RAD54L2: variants seen among roughly 807,000 people sequenced by gnomAD.
RAD54L2 encodes helicase ARIP4.
In RAD54L2, 27 loss-of-function variants were observed where a neutral mutation model predicts 138.4. The observed-to-expected ratio is 0.20, with a 90% confidence interval of 0.14 to 0.27. The LOEUF is 0.27. Among genes scored for constraint, RAD54L2 ranks in the 10% least tolerant of loss-of-function variants. The probability of loss-of-function intolerance (pLI) is 1.00; values close to 1 mark genes in which losing one functional copy is unlikely to be tolerated. For synonymous variants in RAD54L2, 644 were observed against 723.2 expected (o/e 0.89, Z 1.76); for missense variants, 1,396 against 1,890.2 (o/e 0.74, Z 4.85).
Position 51,635,736 on chromosome 3 carries a change from AC to A in RAD54L2, c.1289del (p.Pro430GlnfsTer6). 1 of 1,613,764 alleles carries A rather than the reference AC, an allele frequency of 6.2e-7. No individual in the cohort carries two copies. The highest frequency in any genetic ancestry group is 8.5e-7 in the Non-Finnish European group (1 of 1,179,804). On this transcript the variant is annotated frameshift_variant, in exon 10 of 23. Coordinates refer to ENST00000684192, the MANE Select transcript of RAD54L2 (RefSeq NM_015106.4). LOFTEE classifies it high-confidence loss of function. ...CCGAAGAAAACCAAGAAGCGTTCTC[AC>A]CCAGTCATCATTGATCTAGATGAGG... ...GRPKKTKKRS[H>X]PVIIDLDEED...
chr3:51,637,283 G>C lies in RAD54L2; in HGVS notation c.1462G>C (p.Val488Leu). 1 of 1,611,668 alleles carries C rather than the reference G, an allele frequency of 6.2e-7. No homozygotes were observed. Among genetic ancestry groups the C allele is most frequent in the Non-Finnish European group, 8.5e-7 (1 of 1,179,004 alleles). The change falls in exon 11 of 23, where the codon GTG becomes CTG. Residue 488 changes from valine (V) to leucine (L), a missense_variant. This residue lies in a region of RAD54L2 where 169 missense variants were observed against 235.6 expected (regional missense o/e 0.72). Transcript: ENST00000684192. This position sits in a 1 kb window ranked among gnomAD's most constrained non-coding sequence, Gnocchi z 5.9. ...GAAGAATATCCGCTCTCGCCGCCGGGTGGTGCTGACTGGGTACCCTCTGCA... is the reference window on the plus strand; with the variant it reads ...GAAGAATATCCGCTCTCGCCGCCGGCTGGTGCTGACTGGGTACCCTCTGCA... ...ALKNIRSRRR[V>L]VLTGYPLQNN...
chr3:51,585,475 G>A (rs1699690204), intron 2 of RAD54L2, among the ~76,000 whole-genome samples: 1 of 152,172 alleles, frequency 6.6e-6, no homozygotes, highest in African/African-American at 2.4e-5. Context: ...TTGTTTGTGT[G>A]TGTGTTTCCT....
chr3:51,581,762 G>A (rs1382745567), intron 2 of RAD54L2, among the ~76,000 whole-genome samples: 2 of 152,114 alleles, frequency 1.3e-5, no homozygotes, highest in African/African-American at 4.8e-5. Flanking sequence ...AGCATGGCTT[G>A]GCTTTTTTCC....
intron 3 of RAD54L2, among the ~76,000 whole-genome samples, chr3:51,615,289 A>G (rs571287467): frequency 6.6e-6 from 1 of 152,378 alleles, no homozygotes; most frequent in East Asian, 1.9e-4. Context: ...GGCTGGGATT[A>G]TAGGCGTGAG....
chr3:51,627,470 A>T, intron 3 of RAD54L2, 83 bp from the exon 4 acceptor site: 1 of 1,337,008 alleles, frequency 7.5e-7, no homozygotes, highest in Admixed American at 2.0e-5. Flanking sequence ...TGCTGAGTTG[A>T]GATTTGAACC....
chr3:51,543,757 C>T (rs782104558), intron 2 of RAD54L2, among the ~76,000 whole-genome samples: 5 of 152,092 alleles, frequency 3.3e-5, no homozygotes, highest in Non-Finnish European at 5.9e-5. Flanking sequence ...GCCACATTTA[C>T]TCTGGCACGT....
chr3:51,600,264 C>T (rs1700052597), intron 3 of RAD54L2, among the ~76,000 whole-genome samples: 1 of 152,038 alleles, frequency 6.6e-6, no homozygotes, highest in South Asian at 2.1e-4. Flanking sequence ...TAATATAGTA[C>T]TCTTGTCTAT....
Position 51,641,857 on chromosome 3 carries a change from C to A in RAD54L2, c.2340C>A (p.Ile780=). 1 of 1,580,762 alleles carries A rather than the reference C, an allele frequency of 6.3e-7. No individual in the cohort carries two copies. Among genetic ancestry groups the A allele is most frequent in the Non-Finnish European group, 8.6e-7 (1 of 1,162,030 alleles). Residue 780 remains isoleucine, a synonymous_variant, in exon 15 of 23, where the codon ATC becomes ATA. Coordinates refer to ENST00000684192, the MANE Select transcript of RAD54L2 (RefSeq NM_015106.4). ...GQGAQKWVRN[I]SYFRLDGSTP... ...GAGCACAGAAGTGGGTTCGAAACAT[C>A]AGCTACTTCCGTGAGTTCATTGTTG...
At chr3:51,641,681 A>G in intron 14 of RAD54L2, 68 bp from the exon 15 acceptor site, 1 of 1,046,822 alleles carries the variant, frequency 9.6e-7, no homozygotes, top group East Asian at 2.6e-5. Flanking sequence ...GCACAAGAGT[A>G]TGGACCTATT....
chr3:51,628,514 T>C (rs1013787953), intron 4 of RAD54L2, among the ~76,000 whole-genome samples: 5 of 152,018 alleles, frequency 3.3e-5, no homozygotes, highest in Admixed American at 1.3e-4. Flanking sequence ...TTCAACCTCC[T>C]GAGTAGCTGG....
rs550978537 is a variant in RAD54L2 at position 51,605,129 on chromosome 3, G to A, written c.139+14570G>A. Among the ~76,000 whole-genome samples the A allele has an allele frequency of 7.9e-5, 11 of 138,450 alleles. No homozygotes were observed. In the South Asian group the frequency reaches 1.1e-3, roughly 14 times the overall value. The allele number at this position is 138,450 out of a possible 152,430, so 90.8% of individuals were successfully genotyped here. On this transcript the variant is annotated intron_variant, in intron 3 of 22. Transcript: ENST00000684192. Reference sequence around the variant, plus strand: ...TTTTGAGACTGAGTCTTGATCTGTCGCCCAGGCTGCAGTGCAGTGGCGCGA... The same window carrying A: ...TTTTGAGACTGAGTCTTGATCTGTCACCCAGGCTGCAGTGCAGTGGCGCGA...
At chr3:51,588,506 G>A (rs1699760167) in intron 2 of RAD54L2, among the ~76,000 whole-genome samples, 1 of 137,520 alleles carries the variant, frequency 7.3e-6, no homozygotes, top group African/African-American at 2.7e-5. Context: ...CTGCATGCCA[G>A]CCTGGGTGAC....
At chr3:51,614,371 T>TCA (rs1443397990) in intron 3 of RAD54L2, among the ~76,000 whole-genome samples, 1 of 152,038 alleles carries the variant, frequency 6.6e-6, no homozygotes, top group East Asian at 1.9e-4. Context: ...GCTGTGTTCC[T>TCA]CAGCCTGGTC....
chr3:51,622,252 T>C (rs190378209), intron 3 of RAD54L2, among the ~76,000 whole-genome samples: 17 of 152,276 alleles, frequency 1.1e-4, no homozygotes, highest in Admixed American at 9.2e-4. Flanking sequence ...ACATAAGCAA[T>C]GGCCCTTTGT....
chr3:51,601,402 G>A (rs962532136), intron 3 of RAD54L2, among the ~76,000 whole-genome samples: 1 of 151,224 alleles, frequency 6.6e-6, no homozygotes, highest in African/African-American at 2.4e-5. Flanking sequence ...CTGCCTCAGG[G>A]GTTCAAGGAA....
chr3:51,652,637 A>G (rs1421990540), intron 19 of RAD54L2, among the ~76,000 whole-genome samples: 1 of 152,214 alleles, frequency 6.6e-6, no homozygotes, highest in African/African-American at 2.4e-5. Flanking sequence ...GTCTACAACC[A>G]TCTGATCTTT....
Position 51,638,885 on chromosome 3 carries a change from C to T in RAD54L2, c.1861-534C>T, listed in dbSNP as rs1701056363. 1 of 158,704 alleles carries T rather than the reference C, an allele frequency of 6.3e-6. No individual in the cohort carries two copies. The highest frequency in any genetic ancestry group is 1.9e-4 in the South Asian group (1 of 5,356). 9.8% of individuals were successfully genotyped at this position (158,704 alleles called of 1,614,324 possible). On this transcript the variant is annotated intron_variant, in intron 12 of 22. Transcript: ENST00000684192. This position sits in a 1 kb window ranked among gnomAD's most constrained non-coding sequence, Gnocchi z 4.3. ...GGGTTTCCAAATATTTCTTTTATAGCCACAGTCCTGGGTCAAGGCCAGGAA... is the reference window on the plus strand; with the variant it reads ...GGGTTTCCAAATATTTCTTTTATAGTCACAGTCCTGGGTCAAGGCCAGGAA...
chr3:51,555,537 A>G (rs2108696512), intron 2 of RAD54L2, among the ~76,000 whole-genome samples: 1 of 152,298 alleles, frequency 6.6e-6, no homozygotes. Context: ...CACACCTGTA[A>G]TCCCAGCTAC....
intron 20 of RAD54L2, 133 bp from the exon 21 acceptor site, chr3:51,657,447 C>A (rs1559656959): frequency 1.8e-6 from 1 of 544,838 alleles, no homozygotes; most frequent in Non-Finnish European, 3.5e-6. Flanking sequence ...TTCCTTGGTT[C>A]TGGACCTCTG....
Sources: gnomAD v4.1 joint callset for allele counts (sites outside exome capture counted in the v4.1 genomes callset) on GRCh38, gnomAD v4.1.1 for gene constraint, gnomAD v4.1.1 regional missense constraint, Gnocchi (gnomAD v3.1) non-coding constraint, MANE v1.5 for transcripts, NCBI Gene and HGNC (gene_info 2026-07-23, HGNC 2026-07-21) for gene names.